Variants in ATG7 observed in about 807,000 individuals in gnomAD.
The protein encoded by ATG7 is ubiquitin-like modifier-activating enzyme ATG7.
Under a neutral mutation model 82.4 loss-of-function variants are expected in ATG7, and 70 were observed. The ratio of observed to expected loss-of-function variants is 0.85; its 90% confidence interval spans 0.70 to 1.04. ATG7 has a LOEUF of 1.04. Among genes scored for constraint, ATG7 ranks in the 50% least tolerant of loss-of-function variants. The probability of loss-of-function intolerance (pLI) is 0.00; values close to 1 mark genes in which losing one functional copy is unlikely to be tolerated. For missense variants in ATG7, 792 were observed against 864.3 expected, an observed-to-expected ratio of 0.92 and a Z score of 1.05; for synonymous variants, 287 against 313.0, an observed-to-expected ratio of 0.92 and a Z score of 0.88.
intron 8 of ATG7, 89 bp from the exon 9 acceptor site, chr3:11,315,254 GT>G (rs1949235331): frequency 8.1e-7 from 1 of 1,230,804 alleles, no homozygotes; most frequent in Non-Finnish European, 1.1e-6. Context: ...TAGTCTTCTG[GT>G]TTTAAGGTAC....
intron 5 of ATG7, among the ~76,000 whole-genome samples, chr3:11,301,457 A>C (rs1946778993): frequency 6.6e-6 from 1 of 152,198 alleles, no homozygotes; most frequent in Admixed American, 6.5e-5. Context: ...AATTTTTTTT[A>C]ATCTCAGAAA....
At chr3:11,466,946 A>G (rs1205103816) in intron 20 of ATG7, among the ~76,000 whole-genome samples, 2 of 152,146 alleles carry the variant, frequency 1.3e-5, no homozygotes, top group Admixed American at 6.5e-5. Context: ...CCTGACTAAC[A>G]TGGTGAAACC....
At chr3:11,569,446 A>G in the ATG7 span, among the ~76,000 whole-genome samples, 1 of 152,182 alleles carries the variant, frequency 6.6e-6, no homozygotes, top group African/African-American at 2.4e-5. Context: ...CCCAAAAACC[A>G]ACATCCTGAG....
chr3:11,573,280 AAAGAAAGAAAGAAAGAAAGAAAGAAAGG>A, the ATG7 span, among the ~76,000 whole-genome samples: 1 of 10,628 alleles, frequency 9.4e-5, no homozygotes, highest in African/African-American at 7.8e-4. Flanking sequence ...AGAAAGAAAG[AAAGAAAGAAAGAAAGAAAGAAAGAAAGG>A]AAGGAAGGAA....
chr3:11,439,065 C>CT (rs1178574171), intron 20 of ATG7, among the ~76,000 whole-genome samples: 2 of 80,554 alleles, frequency 2.5e-5, no homozygotes, highest in African/African-American at 4.6e-5. Context: ...TCTTTTCTTT[C>CT]TTTCTTTTTT....
At chr3:11,528,690 G>A (rs1157901785) in intron 20 of ATG7, among the ~76,000 whole-genome samples, 1 of 151,962 alleles carries the variant, frequency 6.6e-6, no homozygotes, top group Non-Finnish European at 1.5e-5. Context: ...GCCGGGCATG[G>A]TGGTGCGCAC....
downstream of ATG7, among the ~76,000 whole-genome samples, chr3:11,561,654 C>T (rs1294168215): frequency 2.0e-5 from 3 of 152,068 alleles, no homozygotes; most frequent in Non-Finnish European, 4.4e-5. Flanking sequence ...TTTATGGGAT[C>T]CCGAGGCTCC....
chr3:11,567,548 A>G, the ATG7 span, among the ~76,000 whole-genome samples: 16 of 152,210 alleles, frequency 1.1e-4, no homozygotes, highest in African/African-American at 2.2e-4. Context: ...TCAAAACGTT[A>G]AAATACTAAA....
Position 11,394,779 on chromosome 3 carries a change from C to G in ATG7, c.1956+14727C>G, listed in dbSNP as rs1247776549. On this transcript the variant is annotated intron_variant, in intron 19 of 20. Transcript: ENST00000693202. ...AAGATAATTCTATTTAGCTAATGCC[C>G]ATAGTTGCCAGGTAAAAGCAATGAA... Among the ~76,000 whole-genome samples, 5 of 152,094 alleles carry G rather than the reference C, an allele frequency of 3.3e-5. No homozygotes were observed. The East Asian group carries it at 9.6e-4, about 29-fold the overall frequency.
At chr3:11,389,604 C>T (rs187246926) in intron 19 of ATG7, among the ~76,000 whole-genome samples, 1 of 152,124 alleles carries the variant, frequency 6.6e-6, no homozygotes, top group East Asian at 1.9e-4. Flanking sequence ...TGCAAGTGTG[C>T]CAAATGTGAA....
intron 20 of ATG7, among the ~76,000 whole-genome samples, chr3:11,433,289 TAAAAAAAAAAAAAAAA>T (rs56859088): frequency 1.2e-5 from 1 of 83,802 alleles, no homozygotes; most frequent in Non-Finnish European, 2.3e-5. Flanking sequence ...GTCTCTTATT[TAAAAAAAAAAAAAAAA>T]AAAAAAAAAA....
At chr3:11,404,125 A>ATTTTT (rs10591303) in intron 19 of ATG7, among the ~76,000 whole-genome samples, 22 of 76,924 alleles carry the variant, frequency 2.9e-4, no homozygotes, top group South Asian at 5.2e-4. Context: ...AACCAGCTCA[A>ATTTTT]TTTTTTTTTT....
downstream of ATG7, chr3:11,558,955 C>T (rs1231355813): frequency 8.0e-6 from 9 of 1,122,242 alleles, no homozygotes; most frequent in East Asian, 2.6e-5. Context: ...GCTCTGCAGA[C>T]AGAACCCACC....
chr3:11,349,044 T>G (rs866090528), intron 14 of ATG7, among the ~76,000 whole-genome samples: 3 of 152,110 alleles, frequency 2.0e-5, no homozygotes, highest in Admixed American at 2.0e-4. Context: ...GAGCGCTGAT[T>G]GGTGTGTTTT....
chr3:11,558,697 A>G (rs1252603349), downstream of ATG7: 1 of 1,613,982 alleles, frequency 6.2e-7, no homozygotes, highest in Non-Finnish European at 8.5e-7. Context: ...TGTCACCCAG[A>G]GCTTTGGCAA....
the ATG7 span, among the ~76,000 whole-genome samples, chr3:11,570,520 T>A: frequency 6.6e-6 from 1 of 152,148 alleles, no homozygotes; most frequent in East Asian, 1.9e-4. Flanking sequence ...CCTAATCTCC[T>A]TGGCTCCGCA....
At chr3:11,513,011 A>G (rs1406823858) in intron 20 of ATG7, among the ~76,000 whole-genome samples, 1 of 152,214 alleles carries the variant, frequency 6.6e-6, no homozygotes, top group African/African-American at 2.4e-5. Context: ...GTAGCTAGAT[A>G]CAGAGTGTCA....
intron 20 of ATG7, among the ~76,000 whole-genome samples, chr3:11,497,357 C>CCA (rs2090912250): frequency 1.7e-5 from 1 of 57,294 alleles, no homozygotes; most frequent in African/African-American, 6.7e-5. Context: ...ACTAAAAATA[C>CCA]TATATATATA....
chr3:11,531,920 G>C (rs2092702117), intron 20 of ATG7, among the ~76,000 whole-genome samples: 1 of 150,978 alleles, frequency 6.6e-6, no homozygotes, highest in Non-Finnish European at 1.5e-5. Flanking sequence ...CATTTATTGA[G>C]TGCTTACTGT....
Sources: allele counts gnomAD v4.1 joint callset (sites outside exome capture counted in the v4.1 genomes callset), GRCh38; gene constraint gnomAD v4.1.1; transcripts MANE v1.5; gene names NCBI Gene and HGNC (gene_info 2026-07-23, HGNC 2026-07-21).